Variants in MYRIP observed in about 807,000 individuals in gnomAD.
MYRIP encodes the protein myosin VIIA and Rab interacting protein.
MYRIP carries 49 observed loss-of-function variants against 98.0 expected under a neutral mutation model. That is an observed-to-expected ratio of 0.50 (90% CI 0.40 to 0.63). The LOEUF is 0.63. Among genes scored for constraint, MYRIP ranks in the 30% least tolerant of loss-of-function variants. The probability of loss-of-function intolerance (pLI) is 0.00; values close to 1 mark genes in which losing one functional copy is unlikely to be tolerated. For synonymous variants in MYRIP, 404 were observed against 409.5 expected (o/e 0.99, Z 0.16); for missense variants, 1,004 against 1,058.2 (o/e 0.95, Z 0.71).
intron 2 of MYRIP, among the ~76,000 whole-genome samples, chr3:39,978,235 G>A (rs1044507968): frequency 3.3e-5 from 5 of 152,212 alleles, no homozygotes; most frequent in Non-Finnish European, 7.3e-5. Context: ...TAGTCCTCAA[G>A]AGAAATTTAG....
intron 3 of MYRIP, among the ~76,000 whole-genome samples, chr3:40,095,431 C>A (rs567883672): frequency 5.0e-4 from 76 of 152,272 alleles, no homozygotes; most frequent in African/African-American, 1.6e-3. Context: ...TACTTCCAGA[C>A]ACCCAGAGCC....
intron 3 of MYRIP, among the ~76,000 whole-genome samples, chr3:40,053,747 T>C (rs2068978): frequency 0.29 from 44,304 of 152,002 alleles, 6,536 homozygotes; most frequent in East Asian, 0.36. Context: ...CTCAACAGGC[T>C]TCCTTACTCA....
At chr3:40,225,001 A>G (rs765846883) in intron 11 of MYRIP, among the ~76,000 whole-genome samples, 3 of 152,200 alleles carry the variant, frequency 2.0e-5, no homozygotes, top group Non-Finnish European at 4.4e-5. Context: ...GAATTTTTCT[A>G]GCAGATTTCT....
chr3:39,910,223 G>A (rs1943987030), intron 2 of MYRIP, among the ~76,000 whole-genome samples: 1 of 152,154 alleles, frequency 6.6e-6, no homozygotes. Context: ...TGGGAGAACC[G>A]AGGCTCTAAA....
intron 4 of MYRIP, among the ~76,000 whole-genome samples, chr3:40,161,223 C>G (rs1950387203): frequency 6.6e-6 from 1 of 152,140 alleles, no homozygotes; most frequent in African/African-American, 2.4e-5. Context: ...CCCTTTCTGC[C>G]CTTGAAAAAA....
intron 3 of MYRIP, among the ~76,000 whole-genome samples, chr3:40,132,271 G>A (rs1949660514): frequency 6.6e-6 from 1 of 152,106 alleles, no homozygotes; most frequent in Non-Finnish European, 1.5e-5. Flanking sequence ...TTAGAACTTA[G>A]TTACAGAAGA....
chr3:40,233,650 G>A (rs538113131), intron 11 of MYRIP, among the ~76,000 whole-genome samples: 4 of 152,228 alleles, frequency 2.6e-5, no homozygotes, highest in Non-Finnish European at 4.4e-5. Context: ...TACAAGTCAC[G>A]GAAACTAGGC....
chr3:40,065,627 G>C (rs541651950), intron 3 of MYRIP, among the ~76,000 whole-genome samples: 9 of 152,180 alleles, frequency 5.9e-5, no homozygotes, highest in Non-Finnish European at 1.3e-4. Flanking sequence ...TGTTACATAG[G>C]CATGTGACAT....
rs1020689935 is a variant in MYRIP, at chr3:40,236,072, C to T, written c.2100+2019C>T. ...TACATAATAAGGTTTTGGTCAATGG[C>T]GAATCACATATACAACAGTGGTGGT... is the stretch of plus-strand genomic sequence containing the variant. On this transcript the variant is annotated intron_variant, in intron 12 of 16. Coordinates refer to ENST00000302541, the MANE Select transcript of MYRIP (RefSeq NM_015460.4). Among the ~76,000 whole-genome samples, 20 of 152,236 alleles carry T rather than the reference C, an allele frequency of 1.3e-4. 1 individual carries two copies. The highest frequency in any genetic ancestry group is 4.8e-4 in the African/African-American group (20 of 41,532).
In MYRIP at chr3:40,011,943, G is replaced by T. The variant is rs190048809; in HGVS notation, c.111-32107G>T. Among the ~76,000 whole-genome samples the T allele has an allele frequency of 2.3e-3, 356 of 152,180 alleles. 1 individual carries two copies. The highest frequency in any genetic ancestry group is 4.2e-3 in the Non-Finnish European group (288 of 67,996). On this transcript the variant is annotated intron_variant, in intron 2 of 16. Coordinates refer to ENST00000302541, the MANE Select transcript of MYRIP (RefSeq NM_015460.4). The stretch of plus-strand genomic sequence containing the variant: ...GTAAAAGATATAAAATGGTGTTTTA[G>T]TTCCATAAATTTACTTATACATCAT...
chr3:40,160,496 C>T (rs1430110858), intron 4 of MYRIP, among the ~76,000 whole-genome samples: 1 of 152,214 alleles, frequency 6.6e-6, no homozygotes, highest in African/African-American at 2.4e-5. Context: ...GGCAGGCAGG[C>T]CTCCTTGAGC....
At chr3:40,109,820 C>G (rs1257452466) in intron 3 of MYRIP, among the ~76,000 whole-genome samples, 2 of 152,244 alleles carry the variant, frequency 1.3e-5, no homozygotes, top group Non-Finnish European at 2.9e-5. Context: ...GCATTTGACA[C>G]TGATAAATCT....
At chr3:39,938,453 T>C (rs188467789) in intron 2 of MYRIP, among the ~76,000 whole-genome samples, 7 of 152,290 alleles carry the variant, frequency 4.6e-5, no homozygotes, top group Admixed American at 1.3e-4. Context: ...TATATTCTTA[T>C]GACCCTATGG....
chr3:39,965,212 T>G (rs1945412529), intron 2 of MYRIP, among the ~76,000 whole-genome samples: 1 of 152,136 alleles, frequency 6.6e-6, no homozygotes, highest in South Asian at 2.1e-4. Flanking sequence ...ACCTTCTTTA[T>G]GTACATATCT....
intron 2 of MYRIP, among the ~76,000 whole-genome samples, chr3:39,998,710 G>T (rs987287535): frequency 1.3e-5 from 2 of 152,038 alleles, no homozygotes; most frequent in Non-Finnish European, 2.9e-5. Context: ...AAAAGAGCCC[G>T]CATTGCCAAG....
At chr3:39,828,370 T>G (rs1037727232) in intron 1 of MYRIP, among the ~76,000 whole-genome samples, 14 of 152,108 alleles carry the variant, frequency 9.2e-5, no homozygotes, top group African/African-American at 3.4e-4. Context: ...TCCTGTGTTG[T>G]CTGTTGTTGA....
chr3:39,983,538 ATC>A (rs1410102367), intron 2 of MYRIP, among the ~76,000 whole-genome samples: 1 of 152,146 alleles, frequency 6.6e-6, no homozygotes, highest in Non-Finnish European at 1.5e-5. Flanking sequence ...ATGATGCTTG[ATC>A]TATTCTATTT....
At chr3:39,830,486 C>T (rs565824875) in intron 1 of MYRIP, among the ~76,000 whole-genome samples, 7 of 152,174 alleles carry the variant, frequency 4.6e-5, no homozygotes, top group African/African-American at 1.7e-4. Context: ...CTCACTCTTA[C>T]ACATTGTCCC....
At chr3:40,004,992 T>C (rs1946602159) in intron 2 of MYRIP, among the ~76,000 whole-genome samples, 1 of 152,164 alleles carries the variant, frequency 6.6e-6, no homozygotes, top group Admixed American at 6.5e-5. Flanking sequence ...CCATACTTAA[T>C]ATTTAGCTCC....
Sources: allele counts gnomAD v4.1 joint callset (sites outside exome capture counted in the v4.1 genomes callset), GRCh38; gene constraint gnomAD v4.1.1; transcripts MANE v1.5; gene names NCBI Gene and HGNC (gene_info 2026-07-23, HGNC 2026-07-21).